The following RORA variants were observed in gnomAD, a reference collection of about 807,000 sequenced individuals.
RORA encodes the protein nuclear receptor ROR-alpha.
A neutral mutation model predicts 69.5 loss-of-function variants in RORA; 7 were observed. The observed-to-expected ratio is 0.10, with a 90% confidence interval of 0.06 to 0.19. The LOEUF (loss-of-function observed/expected upper bound fraction) is 0.19, where lower values mean the gene tolerates loss of function less well. Ranked by LOEUF, RORA falls within the 10% of genes least tolerant of loss-of-function variation. The probability of loss-of-function intolerance (pLI) is 1.00; values close to 1 mark genes in which losing one functional copy is unlikely to be tolerated. For missense variants in RORA, 457 were observed against 663.0 expected, an observed-to-expected ratio of 0.69 and a Z score of 3.41; for synonymous variants, 261 against 240.8, an observed-to-expected ratio of 1.08 and a Z score of -0.78.
chr15:60,864,522 G>A (rs139202638), intron 1 of RORA, among the ~76,000 whole-genome samples: 1 of 148,746 alleles, frequency 6.7e-6, no homozygotes, highest in Non-Finnish European at 1.5e-5. Flanking sequence ...AAATTGTCCT[G>A]GGACACTCCA....
chr15:60,847,536 G>T (rs892042060), intron 1 of RORA, among the ~76,000 whole-genome samples: 1 of 151,942 alleles, frequency 6.6e-6, no homozygotes, highest in South Asian at 2.1e-4. Context: ...CTTTGCACTG[G>T]ATTCTGAGAA....
intron 2 of RORA, among the ~76,000 whole-genome samples, chr15:60,561,080 T>C (rs1462394902): frequency 7.6e-6 from 1 of 131,588 alleles, no homozygotes; most frequent in Non-Finnish European, 1.5e-5. Context: ...TGTTTTGTTT[T>C]TGTTTTTTTT....
At chr15:61,077,115 T>C (rs1003671399) in intron 1 of RORA, among the ~76,000 whole-genome samples, 3 of 151,932 alleles carry the variant, frequency 2.0e-5, no homozygotes, top group Non-Finnish European at 4.4e-5. Context: ...TTAAGTAGAA[T>C]GATACCTCCT....
chr15:60,555,975 C>T (rs973048119), intron 2 of RORA, among the ~76,000 whole-genome samples: 3 of 152,122 alleles, frequency 2.0e-5, no homozygotes, highest in African/African-American at 7.2e-5. Context: ...TGTGGAACCT[C>T]GGCTTACACA....
chr15:60,878,550 C>G (rs974504865), intron 1 of RORA, among the ~76,000 whole-genome samples: 1 of 152,084 alleles, frequency 6.6e-6, no homozygotes. Context: ...TTTGAGGCTC[C>G]GCCTGCTCGC....
At chr15:60,941,020 G>T (rs1037981737) in intron 1 of RORA, among the ~76,000 whole-genome samples, 1 of 152,216 alleles carries the variant, frequency 6.6e-6, no homozygotes, top group Non-Finnish European at 1.5e-5. Context: ...TTTCTCCTAT[G>T]TGATAGCAGA....
At chr15:60,858,035 T>C (rs1237509498) in intron 1 of RORA, among the ~76,000 whole-genome samples, 2 of 152,218 alleles carry the variant, frequency 1.3e-5, no homozygotes, top group Admixed American at 6.5e-5. Context: ...GGACAGCACC[T>C]TGGTCTCTCT....
In RORA at chr15:61,147,629, G is replaced by T. The variant is rs1297914244; in HGVS notation, c.166+81424C>A. ...TTCCGCTAGAAAAGGAGTGTAGGAA[G>T]AAGAGTAAGTAAACAAGAGGCTTGC... On this transcript the variant is annotated intron_variant, in intron 1 of 10. Transcript: ENST00000335670. The surrounding 1 kb of genome is among the most constrained non-coding windows in gnomAD (Gnocchi z 4.1). Among the ~76,000 whole-genome samples, 1 of 152,236 alleles carries T rather than the reference G, an allele frequency of 6.6e-6. No individual in the cohort carries two copies. The highest frequency in any genetic ancestry group is 2.4e-5 in the African/African-American group (1 of 41,464).
At chr15:61,197,504 C>G (rs1355995472) in intron 1 of RORA, among the ~76,000 whole-genome samples, 1 of 152,190 alleles carries the variant, frequency 6.6e-6, no homozygotes, top group Non-Finnish European at 1.5e-5. Flanking sequence ...GGTTAACTCT[C>G]TGGTGGTCCC....
At chr15:60,911,703 A>AC (rs1891723276) in intron 1 of RORA, among the ~76,000 whole-genome samples, 1 of 142,926 alleles carries the variant, frequency 7.0e-6, no homozygotes, top group African/African-American at 2.6e-5. Context: ...CGGATTTTTG[A>AC]TTTTTTTTTT....
At chr15:61,139,645 G>C (rs896533823) in intron 1 of RORA, among the ~76,000 whole-genome samples, 5 of 152,200 alleles carry the variant, frequency 3.3e-5, no homozygotes, top group Admixed American at 6.5e-5. Context: ...CAGAGAAGCT[G>C]ATGTGCTCGA....
At chr15:61,208,169 G>A (rs2079958995) in intron 1 of RORA, among the ~76,000 whole-genome samples, 1 of 152,194 alleles carries the variant, frequency 6.6e-6, no homozygotes, top group African/African-American at 2.4e-5. Context: ...ATCAGTTGAT[G>A]AATGAATAAA....
intron 1 of RORA, among the ~76,000 whole-genome samples, chr15:61,211,233 T>A (rs545793420): frequency 6.9e-6 from 1 of 143,908 alleles, no homozygotes; most frequent in African/African-American, 2.6e-5. Context: ...TCTGAGTGTA[T>A]AACTGGAAGG....
At chr15:61,136,410 C>G (rs1055788607) in intron 1 of RORA, among the ~76,000 whole-genome samples, 1 of 152,130 alleles carries the variant, frequency 6.6e-6, no homozygotes, top group Non-Finnish European at 1.5e-5. Context: ...AAATTTGTAG[C>G]CAGTATCAAA....
chr15:60,879,451 A>G (rs2073655065), intron 1 of RORA, among the ~76,000 whole-genome samples: 1 of 152,216 alleles, frequency 6.6e-6, no homozygotes, highest in South Asian at 2.1e-4. Flanking sequence ...TGCTAGAAAT[A>G]TTAGCTGCTC....
chr15:60,732,838 C>G (rs2071446814), intron 1 of RORA, among the ~76,000 whole-genome samples: 2 of 151,474 alleles, frequency 1.3e-5, no homozygotes, highest in Non-Finnish European at 2.9e-5. Context: ...CACACGTGCA[C>G]TTACATGCTT....
chr15:60,779,206 T>G (rs2072218366), intron 1 of RORA, among the ~76,000 whole-genome samples: 1 of 152,166 alleles, frequency 6.6e-6, no homozygotes, highest in Non-Finnish European at 1.5e-5. Flanking sequence ...TCACAAAAAT[T>G]AATGAAAACC....
chr15:60,634,224 C>A (rs2069794040), intron 2 of RORA, among the ~76,000 whole-genome samples: 1 of 152,114 alleles, frequency 6.6e-6, no homozygotes, highest in African/African-American at 2.4e-5. Flanking sequence ...AGATACACAG[C>A]ATGCACATTC....
At chr15:60,514,788 T>G in intron 3 of RORA, 31 bp from the exon 4 acceptor site, 1 of 1,599,518 alleles carries the variant, frequency 6.3e-7, no homozygotes, top group Non-Finnish European at 8.6e-7. Context: ...ATAAAACAGG[T>G]TAGTGTCAGA....
Sources: allele counts gnomAD v4.1 joint callset (sites outside exome capture counted in the v4.1 genomes callset), GRCh38; gene constraint gnomAD v4.1.1; non-coding constraint Gnocchi (gnomAD v3.1); transcripts MANE v1.5; gene names NCBI Gene and HGNC (gene_info 2026-07-23, HGNC 2026-07-21).